Variants in POMK observed in about 807,000 individuals in gnomAD.
The protein encoded by POMK is Sugen kinase 196.
In POMK, 19 loss-of-function variants were observed where a neutral mutation model predicts 23.0. The observed-to-expected ratio is 0.83, with a 90% CI of 0.58 to 1.21. The LOEUF (loss-of-function observed/expected upper bound fraction) is 1.21, where lower values mean the gene tolerates loss of function less well. Ranked by LOEUF, POMK falls within the 50% of genes most tolerant of loss-of-function variation. The pLI is 0.00. For synonymous variants in POMK, 173 were observed against 171.6 expected (o/e 1.01, Z -0.06); for missense variants, 410 against 431.3 (o/e 0.95, Z 0.44).
intron 2 of POMK, among the ~76,000 whole-genome samples, chr8:43,101,327 G>A (rs1297362463): frequency 1.3e-5 from 2 of 150,792 alleles, no homozygotes; most frequent in African/African-American, 4.9e-5. Flanking sequence ...TAAGGAGGCA[G>A]AGGTGACAGG....
At chr8:43,111,665 AC>A (rs982198770) in intron 4 of POMK, among the ~76,000 whole-genome samples, 4 of 152,028 alleles carry the variant, frequency 2.6e-5, no homozygotes, top group Non-Finnish European at 4.4e-5. Context: ...ACTGGGAGGC[AC>A]CCCCCAGTAG....
At chr8:43,103,393 A>G (rs1441348044) in intron 3 of POMK, 135 bp from the exon 4 acceptor site, 2 of 781,256 alleles carry the variant, frequency 2.6e-6, no homozygotes, top group Non-Finnish European at 4.2e-6. Flanking sequence ...CTGGTGTTCG[A>G]TACCTGCTTT....
At chr8:43,122,086 C>T (rs777512810) in intron 4 of POMK, 21 bp from the exon 5 acceptor site, 4 of 1,608,176 alleles carry the variant, frequency 2.5e-6, no homozygotes, top group Non-Finnish European at 3.4e-6. Flanking sequence ...AGGCCTGATG[C>T]TCTCTATGGC....
rs747579663 is a variant in POMK, at chr8:43,122,439, C to T, written c.615C>T (p.Ser205=). The change falls in exon 5 of 5, where the codon TCC becomes TCT. Residue 205 remains serine (S), a synonymous_variant. Transcript: ENST00000331373. ...SPVGTRVMCD[S]NDLPKTLSQY... is the part of the protein sequence containing the mutation. ...TGGGCACACGGGTCATGTGCGACTC[C>T]AACGACCTGCCGAAGACACTGTCCC... 1.2e-6 allele frequency: 2 copies of T among 1,614,172 alleles called. No homozygotes were observed. The highest frequency in any genetic ancestry group is 1.7e-6 in the Non-Finnish European group (2 of 1,180,022).
rs187985855 is a variant in POMK, at chr8:43,099,177, C to G, written c.-118+1562C>G. ...TGTTACCCTGGCTGGTCTGGAACTC[C>G]TAGGCTCAAGCGATCCTCCCACCTT... On this transcript the variant is annotated intron_variant, in intron 2 of 4. Coordinates refer to ENST00000331373, the MANE Select transcript of POMK (RefSeq NM_032237.5). Among the ~76,000 whole-genome samples, 69 of 152,298 alleles carry G rather than the reference C, an allele frequency of 4.5e-4. 1 individual carries two copies. In the East Asian group the frequency reaches 0.013, roughly 29 times the overall value.
intron 4 of POMK, 30 bp downstream of exon 4, chr8:43,103,860 C>T (rs2130601760): frequency 6.2e-7 from 1 of 1,609,164 alleles, no homozygotes; most frequent in East Asian, 2.2e-5. Context: ...CGATTGCTGT[C>T]ATCCTGTTAT....
intron 2 of POMK, among the ~76,000 whole-genome samples, chr8:43,099,009 C>T (rs534363282): frequency 3.0e-4 from 45 of 152,324 alleles, no homozygotes; most frequent in Admixed American, 2.5e-3. Flanking sequence ...TGTTGTGGCA[C>T]GATCACAGCT....
At chr8:43,116,365 A>G (rs906442956) in intron 4 of POMK, among the ~76,000 whole-genome samples, 1 of 152,204 alleles carries the variant, frequency 6.6e-6, no homozygotes, top group Non-Finnish European at 1.5e-5. Context: ...CTCAAACTCC[A>G]GTGATCCTCC....
At chr8:43,117,247 G>A (rs557063055) in intron 4 of POMK, among the ~76,000 whole-genome samples, 84 of 152,340 alleles carry the variant, frequency 5.5e-4, no homozygotes, top group African/African-American at 1.8e-3. Context: ...CCATCTGGGC[G>A]TATATGTGCA....
chr8:43,098,477 C>G lies in POMK; in HGVS notation c.-118+862C>G, dbSNP rs117928079. ...TTATTTTTTATGGCTGAATAATATTCCATTTATGGATGTACCACATTTTGT... is the reference window on the plus strand; with the variant it reads ...TTATTTTTTATGGCTGAATAATATTGCATTTATGGATGTACCACATTTTGT... On this transcript the variant is annotated intron_variant, in intron 2 of 4. Coordinates refer to ENST00000331373, the MANE Select transcript of POMK (RefSeq NM_032237.5). Among the ~76,000 whole-genome samples, 1,283 of 152,298 alleles carry G rather than the reference C, an allele frequency of 8.4e-3. 11 individuals carry two copies. Among genetic ancestry groups the G allele is most frequent in the Admixed American group, 0.015 (232 of 15,294 alleles).
chr8:43,114,315 C>T (rs1001726699), intron 4 of POMK, among the ~76,000 whole-genome samples: 6 of 152,334 alleles, frequency 3.9e-5, no homozygotes, highest in South Asian at 2.1e-4. Context: ...TGAGCAATGG[C>T]GGGCACCCCT....
chr8:43,097,807 A>T (rs1009718178), intron 2 of POMK, among the ~76,000 whole-genome samples, 192 bp downstream of exon 2: 2 of 152,190 alleles, frequency 1.3e-5, no homozygotes, highest in Non-Finnish European at 2.9e-5. Flanking sequence ...TGGTTGGGTC[A>T]TGAGCCCATG....
chr8:43,116,864 T>C (rs1310634194), intron 4 of POMK, among the ~76,000 whole-genome samples: 1 of 152,196 alleles, frequency 6.6e-6, no homozygotes, highest in Admixed American at 6.5e-5. Context: ...AAGCATTTAA[T>C]CACCTGGGTG....
chr8:43,115,013 C>T (rs556451866), intron 4 of POMK, among the ~76,000 whole-genome samples: 77 of 152,276 alleles, frequency 5.1e-4, no homozygotes, highest in African/African-American at 1.8e-3. Flanking sequence ...TACAGTATAG[C>T]TTGGATCCTG....
intron 4 of POMK, among the ~76,000 whole-genome samples, chr8:43,120,248 T>A (rs1224391174): frequency 1.3e-5 from 2 of 151,876 alleles, no homozygotes; most frequent in African/African-American, 4.8e-5. Context: ...TTCACTCTTG[T>A]TCACCCAGGC....
Position 43,107,381 on chromosome 8 carries a change from C to CT in POMK, c.282+3560dup, listed in dbSNP as rs563850970. On this transcript the variant is annotated intron_variant, in intron 4 of 4. Transcript: ENST00000331373. ...ATTTGCATAAAGCGCATCAGTAATA[C>CT]TTTTTTTTTCCGAGATGGAGCCTTG... Among the ~76,000 whole-genome samples the CT allele has an allele frequency of 3.5e-3, 537 of 151,728 alleles. 1 individual carries two copies. The highest frequency in any genetic ancestry group is 5.9e-3 in the Non-Finnish European group (401 of 67,856).
chr8:43,095,370 G>C (rs969914440), intron 1 of POMK, among the ~76,000 whole-genome samples: 2 of 152,114 alleles, frequency 1.3e-5, no homozygotes, highest in African/African-American at 4.8e-5. Context: ...TTTTGTTTTG[G>C]TTTGGTTTGG....
chr8:43,100,534 C>T (rs1811417894), intron 2 of POMK, among the ~76,000 whole-genome samples: 1 of 151,052 alleles, frequency 6.6e-6, no homozygotes, highest in South Asian at 2.1e-4. Context: ...TGGGGGCCTG[C>T]AGGGTAGGAG....
intron 4 of POMK, among the ~76,000 whole-genome samples, chr8:43,110,650 G>A (rs1811634008): frequency 1.3e-5 from 2 of 152,136 alleles, no homozygotes; most frequent in Admixed American, 6.5e-5. Context: ...GGGCGTGGTG[G>A]CTCACGCCTA....
Sources: gnomAD v4.1 joint callset for allele counts (sites outside exome capture counted in the v4.1 genomes callset) on GRCh38, gnomAD v4.1.1 for gene constraint, MANE v1.5 for transcripts, NCBI Gene and HGNC (gene_info 2026-07-23, HGNC 2026-07-21) for gene names.